The following CUBN variants were observed in gnomAD, a reference collection of about 807,000 sequenced individuals.
CUBN encodes the protein cubilin.
Under a neutral mutation model 405.3 loss-of-function variants are expected in CUBN, and 282 were observed. The observed-to-expected ratio is 0.70, with a 90% confidence interval of 0.63 to 0.77. The LOEUF (loss-of-function observed/expected upper bound fraction) is 0.77. Among genes scored for constraint, CUBN ranks in the 30% least tolerant of loss-of-function variants. CUBN has a pLI of 0.00. For synonymous variants in CUBN, 1,684 were observed against 1,617.0 expected, an observed-to-expected ratio of 1.04 and a Z score of -0.99; for missense variants, 4,514 against 4,475.2, an observed-to-expected ratio of 1.01 and a Z score of -0.25.
chr10:17,066,179 T>G (rs765175035), intron 21 of CUBN, among the ~76,000 whole-genome samples: 6 of 152,172 alleles, frequency 3.9e-5, no homozygotes, highest in Non-Finnish European at 7.4e-5. Context: ...GGGAATCTAT[T>G]GTCCTTAAAC....
intron 27 of CUBN, among the ~76,000 whole-genome samples, chr10:17,024,658 C>T (rs1198865851): frequency 6.6e-6 from 1 of 152,094 alleles, no homozygotes; most frequent in East Asian, 1.9e-4. Context: ...CATGCAGTAC[C>T]ATGCCCAGCT....
intron 54 of CUBN, among the ~76,000 whole-genome samples, chr10:16,898,111 T>C (rs916136600): frequency 2.7e-5 from 4 of 150,264 alleles, no homozygotes; most frequent in East Asian, 3.9e-4. Context: ...GAGATTTTCA[T>C]TTAAACAGTA....
At chr10:16,998,462 C>A (rs576721109) in intron 28 of CUBN, among the ~76,000 whole-genome samples, 1 of 152,268 alleles carries the variant, frequency 6.6e-6, no homozygotes, top group East Asian at 1.9e-4. Context: ...TCCCTAGAGC[C>A]GTCAGAGGGA....
At chr10:16,978,744 A>G (rs907386622) in intron 31 of CUBN, among the ~76,000 whole-genome samples, 11 of 152,180 alleles carry the variant, frequency 7.2e-5, no homozygotes, top group African/African-American at 2.4e-4. Flanking sequence ...CAAATGAAAG[A>G]TGAAAAACTT....
chr10:17,051,791 T>TA (rs1158661041), intron 22 of CUBN, among the ~76,000 whole-genome samples: 1 of 150,714 alleles, frequency 6.6e-6, no homozygotes, highest in African/African-American at 2.4e-5. Flanking sequence ...GACAGATATT[T>TA]AAAAAAACAA....
intron 31 of CUBN, among the ~76,000 whole-genome samples, chr10:16,961,869 G>GCA (rs1843234024): frequency 6.6e-6 from 1 of 151,804 alleles, no homozygotes; most frequent in Non-Finnish European, 1.5e-5. Context: ...CCGCCACTAC[G>GCA]CCTGGCTAAT....
intron 16 of CUBN, 48 bp downstream of exon 16, chr10:17,085,549 C>T (rs749449583): frequency 2.0e-6 from 3 of 1,527,058 alleles, no homozygotes; most frequent in South Asian, 1.1e-5. Flanking sequence ...GTAAGCATAG[C>T]ATTGGCCTTC....
At chr10:17,046,265 TA>T (rs931728872) in intron 23 of CUBN, among the ~76,000 whole-genome samples, 171 bp from the exon 24 acceptor site, 23 of 152,188 alleles carry the variant, frequency 1.5e-4, no homozygotes, top group African/African-American at 5.5e-4. Flanking sequence ...TTTAAATTTT[TA>T]AAAATCATAT....
intron 65 of CUBN, among the ~76,000 whole-genome samples, chr10:16,830,287 G>A (rs1170957071): frequency 2.6e-5 from 4 of 152,146 alleles, no homozygotes; most frequent in African/African-American, 7.2e-5. Flanking sequence ...TCACCTTTAA[G>A]CTTCCTTTGG....
Position 16,834,977 on chromosome 10 carries a change from A to G in CUBN, c.10362+37T>C. On this transcript the variant is annotated intron_variant, in intron 64 of 66. Coordinates refer to ENST00000377833, the MANE Select transcript of CUBN (RefSeq NM_001081.4). ...AATCTTAAGTGATCCACCATCTTTT[A>G]AATAATTCATTCAAACGATATTCAA... 2.5e-6 allele frequency: 4 copies of G among 1,582,548 alleles called. No homozygotes were observed. The Admixed American group carries it at 5.0e-5, about 20-fold the overall frequency.
intron 41 of CUBN, among the ~76,000 whole-genome samples, chr10:16,927,349 G>T (rs1221972120): frequency 6.6e-6 from 1 of 152,120 alleles, no homozygotes; most frequent in Non-Finnish European, 1.5e-5. Context: ...TTGTAGAGGT[G>T]AAAATGTATC....
Position 17,129,232 on chromosome 10 carries a change from C to T in CUBN, c.141G>A (p.Glu47=). The stretch of plus-strand genomic sequence containing the variant: ...CCGTAAGAAACACCAAATTTCCTCT[C>T]TCTGTAGCCATTCGAGGCCTATATA... The part of the protein sequence containing the change: ...INLQQPRMAT[E]RGNLVFLTGS... Residue 47 remains glutamate, a synonymous_variant, in exon 2 of 67, where the codon GAG becomes GAA. Coordinates refer to ENST00000377833, the MANE Select transcript of CUBN (RefSeq NM_001081.4). 6.2e-7 allele frequency: 1 copy of T among 1,613,676 alleles called. No individual in the cohort carries two copies. Among genetic ancestry groups the T allele is most frequent in the Non-Finnish European group, 8.5e-7 (1 of 1,179,560 alleles).
chr10:16,872,343 T>C (rs1398128844), intron 58 of CUBN, among the ~76,000 whole-genome samples: 1 of 111,180 alleles, frequency 9.0e-6, no homozygotes, highest in Non-Finnish European at 1.7e-5. Flanking sequence ...TTAGATTGTA[T>C]ACATACATAT....
intron 27 of CUBN, among the ~76,000 whole-genome samples, chr10:17,022,929 T>G (rs1326575257): frequency 6.6e-6 from 1 of 152,190 alleles, no homozygotes; most frequent in Non-Finnish European, 1.5e-5. Flanking sequence ...GTAAGATTTC[T>G]CCATAACTAT....
At chr10:17,097,351 A>G (rs1836397950) in intron 14 of CUBN, among the ~76,000 whole-genome samples, 1 of 152,130 alleles carries the variant, frequency 6.6e-6, no homozygotes, top group Non-Finnish European at 1.5e-5. Flanking sequence ...CAAAACTGAA[A>G]AAAGAAGAAA....
chr10:16,954,632 T>A (rs186024487), intron 31 of CUBN, 84 bp from the exon 32 acceptor site: 2 of 1,395,046 alleles, frequency 1.4e-6, no homozygotes, highest in Non-Finnish European at 2.0e-6. Flanking sequence ...CACGCCGATA[T>A]ACTAGTGGAT....
At chr10:17,076,139 C>T (rs915095119) in intron 17 of CUBN, among the ~76,000 whole-genome samples, 1 of 152,174 alleles carries the variant, frequency 6.6e-6, no homozygotes, top group Non-Finnish European at 1.5e-5. Context: ...CTAAAGTGGG[C>T]CATTCCCCTG....
At chr10:16,999,905 G>A (rs1455278778) in intron 28 of CUBN, among the ~76,000 whole-genome samples, 1 of 152,178 alleles carries the variant, frequency 6.6e-6, no homozygotes, top group African/African-American at 2.4e-5. Context: ...TCCCTCTGCA[G>A]GGAGAGGACT....
At chr10:17,123,343 T>C (rs1240479890) in intron 5 of CUBN, 2 of 568,812 alleles carry the variant, frequency 3.5e-6, no homozygotes, top group Non-Finnish European at 6.3e-6. Context: ...AACAGAAATA[T>C]TGTGTTCTTC....
Sources: allele counts gnomAD v4.1 joint callset (sites outside exome capture counted in the v4.1 genomes callset), GRCh38; gene constraint gnomAD v4.1.1; transcripts MANE v1.5; gene names NCBI Gene and HGNC (gene_info 2026-07-23, HGNC 2026-07-21).